Variants in PCDHGB5 observed in about 807,000 individuals in gnomAD.
PCDHGB5 encodes protocadherin gamma-B5.
In PCDHGB5, 48 loss-of-function variants were observed where a neutral mutation model predicts 62.9. The observed-to-expected ratio is 0.76, with a 90% CI of 0.61 to 0.97. PCDHGB5 has a LOEUF of 0.97. Ranked by LOEUF, PCDHGB5 falls within the 50% of genes least tolerant of loss-of-function variation. The pLI is 0.00. For synonymous variants in PCDHGB5, 474 were observed against 511.2 expected, an observed-to-expected ratio of 0.93 and a Z score of 0.98; for missense variants, 1,118 against 1,198.6, an observed-to-expected ratio of 0.93 and a Z score of 0.99.
intron 1 of PCDHGB5, among the ~76,000 whole-genome samples, chr5:141,425,459 C>A (rs2096876834): frequency 6.6e-6 from 1 of 152,200 alleles, no homozygotes; most frequent in African/African-American, 2.4e-5. Flanking sequence ...CATCACATTT[C>A]ATGTTATTAA....
intron 1 of PCDHGB5, among the ~76,000 whole-genome samples, chr5:141,464,702 G>T (rs934638404): frequency 1.3e-5 from 2 of 151,942 alleles, no homozygotes; most frequent in African/African-American, 2.4e-5. Context: ...TATGAATGAG[G>T]TTAAATAGTT....
rs200411745 is a variant in PCDHGB5, at chr5:141,490,281, C to T, written c.2398-4526C>T. The T allele has an allele frequency of 1.2e-6, 2 of 1,614,070 alleles. No homozygotes were observed. The highest frequency in any genetic ancestry group is 1.3e-5 in the African/African-American group (1 of 74,924). On this transcript the variant is annotated intron_variant, in intron 1 of 3. Transcript: ENST00000617380. This position sits in a 1 kb window ranked among gnomAD's most constrained non-coding sequence, Gnocchi z 5.4. The stretch of plus-strand genomic sequence containing the variant: ...ATGTGGGGGATGTCAATGACAATGC[C>T]CCAGAGGTGCTATTGGCCTCTTTGG...
intron 1 of PCDHGB5, chr5:141,414,372 A>G: frequency 1.2e-6 from 2 of 1,613,914 alleles, no homozygotes; most frequent in Non-Finnish European, 1.7e-6. Context: ...TTAAATTAGA[A>G]AAGTCCATTG....
chr5:141,400,690 A>G (rs928893484), intron 1 of PCDHGB5, 166 bp downstream of exon 1: 6 of 790,238 alleles, frequency 7.6e-6, no homozygotes, highest in Non-Finnish European at 8.1e-6. Flanking sequence ...GTGAGTTTTT[A>G]TGTCGCATAA....
intron 1 of PCDHGB5, among the ~76,000 whole-genome samples, chr5:141,467,341 C>T (rs1169830103): frequency 6.6e-6 from 1 of 152,214 alleles, no homozygotes; most frequent in Non-Finnish European, 1.5e-5. Context: ...ACGTAAGCCA[C>T]TGCCCCCGGC....
At chr5:141,430,084 A>G (rs538721051) in intron 1 of PCDHGB5, among the ~76,000 whole-genome samples, 2 of 152,292 alleles carry the variant, frequency 1.3e-5, no homozygotes, top group Admixed American at 1.3e-4. Context: ...AATATCATGA[A>G]AATTTGATTT....
At chr5:141,442,111 C>G (rs1265830634) in intron 1 of PCDHGB5, 1 of 166,236 alleles carries the variant, frequency 6.0e-6, no homozygotes, top group Non-Finnish European at 1.3e-5. Context: ...CACTACCGCC[C>G]CTCGTCGCCG....
rs2099401367 is a variant in PCDHGB5 at position 141,476,906 on chromosome 5, G to C, written c.2398-17901G>C. ...GGATGCACCCTCCGGCACGCGCGTG[G>C]TACAAGTCCTTGCAACGGATCTGGA... is the stretch of plus-strand genomic sequence containing the variant. On this transcript the variant is annotated intron_variant, in intron 1 of 3. Coordinates refer to ENST00000617380, the MANE Select transcript of PCDHGB5 (RefSeq NM_018925.3). The surrounding 1 kb of genome is among the most constrained non-coding windows in gnomAD (Gnocchi z 7.6). 2 of 1,614,050 alleles carry C rather than the reference G, an allele frequency of 1.2e-6. No homozygotes were observed. The highest frequency in any genetic ancestry group is 1.7e-6 in the Non-Finnish European group (2 of 1,180,044).
At position 141,476,151 on chromosome 5, in the gene PCDHGB5, G is replaced by A; in HGVS notation, c.2398-18656G>A. Reference sequence around the variant, plus strand: ...GAGGCCTGGAGGAGCGGACTGGTAAGCACCGGGAGGGTAGTGGGAGTTTTG... The same window carrying A: ...GAGGCCTGGAGGAGCGGACTGGTAAACACCGGGAGGGTAGTGGGAGTTTTG... On this transcript the variant is annotated intron_variant, in intron 1 of 3. Transcript: ENST00000617380. This position sits in a 1 kb window ranked among gnomAD's most constrained non-coding sequence, Gnocchi z 7.6. 1 of 1,612,022 alleles carries A rather than the reference G, an allele frequency of 6.2e-7. No individual in the cohort carries two copies. Among genetic ancestry groups the A allele is most frequent in the Admixed American group, 1.7e-5 (1 of 60,014 alleles).
chr5:141,461,347 G>C (rs2154567331), intron 1 of PCDHGB5, among the ~76,000 whole-genome samples: 1 of 152,242 alleles, frequency 6.6e-6, no homozygotes, highest in Admixed American at 6.5e-5. Flanking sequence ...GGACCAAGGT[G>C]GTAGCTCGTT....
chr5:141,479,453 A>G (rs994349416), intron 1 of PCDHGB5: 1 of 152,266 alleles, frequency 6.6e-6, no homozygotes, highest in Non-Finnish European at 1.5e-5. Context: ...TAAGTTCAGC[A>G]TGAATACAGT....
chr5:141,417,842 C>G (rs1247720013), intron 1 of PCDHGB5: 2 of 1,537,166 alleles, frequency 1.3e-6, no homozygotes, highest in Admixed American at 2.0e-5. Flanking sequence ...GGGGACCCAG[C>G]GAGAACCCGA....
chr5:141,431,460 A>T lies in PCDHGB5; in HGVS notation c.2397+30936A>T, dbSNP rs761879594. On this transcript the variant is annotated intron_variant, in intron 1 of 3. Transcript: ENST00000617380. This position sits in a 1 kb window ranked among gnomAD's most constrained non-coding sequence, Gnocchi z 4.8. The stretch of plus-strand genomic sequence containing the variant: ...GCGCGCATCCGCGTGATGGTTCTGG[A>T]TGCGAACGACAACGCACCAGCGTTT... The T allele has an allele frequency of 6.2e-7, 1 of 1,613,794 alleles. No individual in the cohort carries two copies. The highest frequency in any genetic ancestry group is 1.7e-5 in the Admixed American group (1 of 60,032).
Position 141,432,623 on chromosome 5 carries a change from C to T in PCDHGB5, c.2397+32099C>T, listed in dbSNP as rs1047752183. Reference sequence around the variant, plus strand: ...GCCGGGACTCTTCTCGGTGGGTCTGCACACGGGCGAGGTGCGCACGGCGCG... The same window carrying T: ...GCCGGGACTCTTCTCGGTGGGTCTGTACACGGGCGAGGTGCGCACGGCGCG... On this transcript the variant is annotated intron_variant, in intron 1 of 3. Coordinates refer to ENST00000617380, the MANE Select transcript of PCDHGB5 (RefSeq NM_018925.3). The surrounding 1 kb of genome is among the most constrained non-coding windows in gnomAD (Gnocchi z 6.0). The T allele has an allele frequency of 1.2e-6, 2 of 1,613,196 alleles. No homozygotes were observed. The highest frequency in any genetic ancestry group is 2.2e-5 in the East Asian group (1 of 44,792).
At chr5:141,454,796 A>ATTTTTTTTTTTTTTTTTTTTTTTT (rs61612330) in intron 1 of PCDHGB5, among the ~76,000 whole-genome samples, 4 of 77,456 alleles carry the variant, frequency 5.2e-5, no homozygotes, top group Non-Finnish European at 9.3e-5. Flanking sequence ...CATGGTTCTA[A>ATTTTTTTTTTTTTTTTTTTTTTTT]TTTTTTTTTT....
At position 141,484,105 on chromosome 5, in the gene PCDHGB5, A is replaced by G. The variant is rs548687877; in HGVS notation, c.2398-10702A>G. On this transcript the variant is annotated intron_variant, in intron 1 of 3. Coordinates refer to ENST00000617380, the MANE Select transcript of PCDHGB5 (RefSeq NM_018925.3). Reference sequence around the variant, plus strand: ...GAAATGGTCTTCGTTGGTAATTAACAAAAGATCAAGAATACCTTGGTGTCA... The same window carrying G: ...GAAATGGTCTTCGTTGGTAATTAACGAAAGATCAAGAATACCTTGGTGTCA... Among the ~76,000 whole-genome samples, 3 of 152,316 alleles carry G rather than the reference A, an allele frequency of 2.0e-5. No individual in the cohort carries two copies. In the South Asian group the frequency reaches 6.2e-4, roughly 32 times the overall value.
rs1046077050 is a variant in PCDHGB5, at chr5:141,398,747, A to G, written c.620A>G (p.Tyr207Cys). The change falls in exon 1 of 4, where the codon TAC becomes TGC. Residue 207 changes from tyrosine to cysteine, a missense_variant. By Grantham distance (194) the Tyr-to-Cys change is radical. This residue lies in a region of PCDHGB5 where 1,034 missense variants were observed against 1,029.1 expected (regional missense o/e 1.00). Coordinates refer to ENST00000617380, the MANE Select transcript of PCDHGB5 (RefSeq NM_018925.3). ...EKTLDREQQS[Y>C]HRLVLTALDG... ...ACCTTAGACCGGGAACAACAGAGTT[A>G]CCATCGTTTAGTCCTGACTGCCTTG... The G allele has an allele frequency of 3.1e-6, 5 of 1,613,378 alleles. No homozygotes were observed. The highest frequency in any genetic ancestry group is 4.2e-6 in the Non-Finnish European group (5 of 1,179,500).
intron 1 of PCDHGB5, among the ~76,000 whole-genome samples, chr5:141,450,025 G>C (rs963999877): frequency 2.7e-5 from 1 of 36,752 alleles, no homozygotes; most frequent in Non-Finnish European, 5.4e-5. Context: ...TTTTTTTTTT[G>C]AGACAGGGTC....
At chr5:141,417,718 G>T in intron 1 of PCDHGB5, 1 of 1,304,720 alleles carries the variant, frequency 7.7e-7, no homozygotes. Context: ...GCTCCCGGCT[G>T]CGCAGACCTT....
Sources: allele counts gnomAD v4.1 joint callset (sites outside exome capture counted in the v4.1 genomes callset), GRCh38; gene constraint gnomAD v4.1.1; regional missense constraint gnomAD v4.1.1; non-coding constraint Gnocchi (gnomAD v3.1); transcripts MANE v1.5; gene names NCBI Gene and HGNC (gene_info 2026-07-23, HGNC 2026-07-21).